The following SCFD2 variants were observed in gnomAD, a reference collection of about 807,000 sequenced individuals.
The protein encoded by SCFD2 is sec1 family domain containing 2.
In SCFD2, 54 loss-of-function variants were observed where a neutral mutation model predicts 58.9. That is an observed-to-expected ratio of 0.92 (90% CI 0.74 to 1.15). SCFD2 has a LOEUF of 1.15. Ranked by LOEUF, SCFD2 falls within the 50% of genes most tolerant of loss-of-function variation. The probability of loss-of-function intolerance (pLI) is 0.00; values close to 1 mark genes in which losing one functional copy is unlikely to be tolerated. For missense variants in SCFD2, 805 were observed against 836.6 expected, an observed-to-expected ratio of 0.96 and a Z score of 0.47; for synonymous variants, 321 against 335.9, an observed-to-expected ratio of 0.96 and a Z score of 0.49.
chr4:53,053,948 A>G (rs1723253999), intron 5 of SCFD2, among the ~76,000 whole-genome samples: 2 of 152,142 alleles, frequency 1.3e-5, no homozygotes, highest in Non-Finnish European at 2.9e-5. Context: ...AAGAATTAGA[A>G]TTATTCTTTG....
At chr4:53,055,380 A>G (rs1391283538) in intron 5 of SCFD2, among the ~76,000 whole-genome samples, 1 of 152,162 alleles carries the variant, frequency 6.6e-6, no homozygotes, top group Admixed American at 6.6e-5. Flanking sequence ...GAAAAGTGGC[A>G]TGGCCTCTCT....
At chr4:53,187,081 T>C (rs971372187) in intron 4 of SCFD2, among the ~76,000 whole-genome samples, 4 of 151,936 alleles carry the variant, frequency 2.6e-5, no homozygotes, top group Non-Finnish European at 4.4e-5. Context: ...AAAAAATTAC[T>C]GTCATAAATA....
intron 5 of SCFD2, among the ~76,000 whole-genome samples, chr4:53,101,460 G>T (rs1397370948): frequency 6.6e-6 from 1 of 152,180 alleles, no homozygotes. Context: ...AAATGTATCT[G>T]CTGATAGAGA....
intron 3 of SCFD2, among the ~76,000 whole-genome samples, chr4:53,276,219 T>C (rs576793805): frequency 3.9e-5 from 6 of 152,202 alleles, no homozygotes; most frequent in East Asian, 3.9e-4. Context: ...TACAACAAAA[T>C]TGAACAATGT....
At chr4:53,042,693 A>AT (rs34600550) in intron 5 of SCFD2, among the ~76,000 whole-genome samples, 2,074 of 143,340 alleles carry the variant, frequency 0.014, 38 homozygotes, top group African/African-American at 0.057. Flanking sequence ...TCCCCAACCT[A>AT]TTTTTTTTGT....
At chr4:53,125,747 C>G (rs988025878) in intron 5 of SCFD2, among the ~76,000 whole-genome samples, 1 of 152,160 alleles carries the variant, frequency 6.6e-6, no homozygotes, top group Non-Finnish European at 1.5e-5. Context: ...GAAAGACTAC[C>G]CAATAGGATG....
chr4:53,221,456 C>A (rs997035308), intron 4 of SCFD2, among the ~76,000 whole-genome samples: 1 of 152,064 alleles, frequency 6.6e-6, no homozygotes, highest in Non-Finnish European at 1.5e-5. Flanking sequence ...AAATTAAAAC[C>A]CCACTGAGTT....
intron 4 of SCFD2, among the ~76,000 whole-genome samples, chr4:53,186,051 A>G (rs1727727689): frequency 6.6e-6 from 1 of 152,140 alleles, no homozygotes; most frequent in Non-Finnish European, 1.5e-5. Context: ...GTGATCATGA[A>G]AACAGTGCTT....
At chr4:52,977,945 G>T (rs1721289860) in intron 5 of SCFD2, among the ~76,000 whole-genome samples, 1 of 152,182 alleles carries the variant, frequency 6.6e-6, no homozygotes, top group South Asian at 2.1e-4. Flanking sequence ...TCAAGTATGA[G>T]ATTGAAAGGG....
chr4:53,218,567 CT>C (rs1390114854), intron 4 of SCFD2, among the ~76,000 whole-genome samples: 1 of 152,150 alleles, frequency 6.6e-6, no homozygotes, highest in Non-Finnish European at 1.5e-5. Flanking sequence ...AGGTTTTTAG[CT>C]TCTTTGCGAT....
rs1037069171 is a variant in SCFD2 at position 53,354,699 on chromosome 4, C to G, written c.839-1933G>C. Among the ~76,000 whole-genome samples the G allele has an allele frequency of 2.6e-5, 4 of 152,140 alleles. No homozygotes were observed. The South Asian group carries it at 6.2e-4, about 24-fold the overall frequency. The stretch of plus-strand genomic sequence containing the variant: ...CTTAATGAATGAATAAATAAATAAC[C>G]TGTATCTAGTCAGTCAGGTAAATAG... On this transcript the variant is annotated intron_variant, in intron 1 of 8. Transcript: ENST00000401642.
chr4:53,132,908 G>T (rs1725829127), intron 5 of SCFD2, among the ~76,000 whole-genome samples: 1 of 152,174 alleles, frequency 6.6e-6, no homozygotes, highest in East Asian at 1.9e-4. Context: ...GCAGAAATAT[G>T]CAGGTATACA....
intron 3 of SCFD2, among the ~76,000 whole-genome samples, chr4:53,303,853 C>CA (rs1212507682): frequency 1.4e-5 from 2 of 148,048 alleles, no homozygotes; most frequent in African/African-American, 5.0e-5. Flanking sequence ...ATCGCAAGGA[C>CA]AAAAAACCAA....
chr4:52,995,214 A>T (rs1721715314), intron 5 of SCFD2, among the ~76,000 whole-genome samples: 1 of 152,104 alleles, frequency 6.6e-6, no homozygotes, highest in Admixed American at 6.5e-5. Flanking sequence ...GAGTGATGGG[A>T]GACAGTAAAA....
chr4:53,040,604 A>C (rs1432539681), intron 5 of SCFD2, among the ~76,000 whole-genome samples: 1 of 152,140 alleles, frequency 6.6e-6, no homozygotes, highest in Non-Finnish European at 1.5e-5. Flanking sequence ...ATTTGTCTAA[A>C]AATTTCCGAG....
At chr4:53,107,568 G>A (rs1042745903) in intron 5 of SCFD2, among the ~76,000 whole-genome samples, 2 of 152,126 alleles carry the variant, frequency 1.3e-5, no homozygotes. Flanking sequence ...AAAAGCAGGG[G>A]TTGTGATCCT....
chr4:53,015,571 T>C (rs1279367590), intron 5 of SCFD2, among the ~76,000 whole-genome samples: 1 of 152,122 alleles, frequency 6.6e-6, no homozygotes, highest in Non-Finnish European at 1.5e-5. Context: ...CTTTGAAAAC[T>C]TATCAGCACA....
chr4:53,179,785 A>G (rs1727479559), intron 4 of SCFD2, among the ~76,000 whole-genome samples: 1 of 152,224 alleles, frequency 6.6e-6, no homozygotes, highest in Admixed American at 6.5e-5. Context: ...ACATAGGCTC[A>G]AAATAAAGGA....
At chr4:53,330,473 G>A (rs1273823564) in intron 2 of SCFD2, among the ~76,000 whole-genome samples, 1 of 152,108 alleles carries the variant, frequency 6.6e-6, no homozygotes, top group East Asian at 1.9e-4. Context: ...TTTCAACCCA[G>A]AATTTCACAT....
Sources: gnomAD v4.1 joint callset for allele counts (sites outside exome capture counted in the v4.1 genomes callset) on GRCh38, gnomAD v4.1.1 for gene constraint, MANE v1.5 for transcripts, NCBI Gene and HGNC (gene_info 2026-07-23, HGNC 2026-07-21) for gene names.